CTIF: variants seen among roughly 807,000 people sequenced by gnomAD.
CTIF encodes cap binding complex dependent translation initiation factor.
CTIF carries 21 observed loss-of-function variants against 66.0 expected under a neutral mutation model. The observed-to-expected ratio is 0.32, with a 90% CI of 0.23 to 0.46. The LOEUF is 0.46. Ranked by LOEUF, CTIF falls within the 20% of genes least tolerant of loss-of-function variation. The probability of loss-of-function intolerance (pLI) is 1.00; values close to 1 mark genes in which losing one functional copy is unlikely to be tolerated. For missense variants in CTIF, 739 were observed against 812.7 expected, an observed-to-expected ratio of 0.91 and a Z score of 1.10; for synonymous variants, 345 against 326.4, an observed-to-expected ratio of 1.06 and a Z score of -0.62.
At chr18:48,570,114 C>G (rs2089378105) in intron 1 of CTIF, among the ~76,000 whole-genome samples, 1 of 152,160 alleles carries the variant, frequency 6.6e-6, no homozygotes, top group African/African-American at 2.4e-5. Context: ...AGTGGAAGAG[C>G]AGAGATCCAA....
chr18:48,605,068 A>G (rs2090178290), intron 1 of CTIF, among the ~76,000 whole-genome samples: 1 of 152,184 alleles, frequency 6.6e-6, no homozygotes, highest in Admixed American at 6.5e-5. Flanking sequence ...GCTATTATTA[A>G]TAATGGTACT....
intron 5 of CTIF, among the ~76,000 whole-genome samples, chr18:48,668,976 G>T (rs78718877): frequency 0.033 from 5,012 of 152,214 alleles, 179 homozygotes; most frequent in African/African-American, 0.087. Flanking sequence ...ATCAAATGGG[G>T]CTTGGGTTAG....
intron 10 of CTIF, among the ~76,000 whole-genome samples, chr18:48,853,443 C>A (rs570501482): frequency 6.6e-6 from 1 of 152,048 alleles, no homozygotes; most frequent in Non-Finnish European, 1.5e-5. Context: ...GGGTGGGATG[C>A]GAGACCCCGA....
intron 2 of CTIF, among the ~76,000 whole-genome samples, chr18:48,627,596 G>A (rs1258248696): frequency 4.6e-5 from 7 of 152,000 alleles, no homozygotes; most frequent in Admixed American, 6.6e-5. Flanking sequence ...GTGCATGCCT[G>A]TGATCCCAGC....
intron 6 of CTIF, among the ~76,000 whole-genome samples, chr18:48,707,002 G>T (rs1170156723): frequency 6.6e-6 from 1 of 152,204 alleles, no homozygotes; most frequent in African/African-American, 2.4e-5. Flanking sequence ...AAGCAGGCAG[G>T]GCCTGGTGGG....
intron 9 of CTIF, among the ~76,000 whole-genome samples, chr18:48,778,331 G>A (rs974796452): frequency 6.6e-6 from 1 of 152,216 alleles, no homozygotes; most frequent in Non-Finnish European, 1.5e-5. Context: ...TCAATCAGGA[G>A]GCGGGAGCCC....
intron 1 of CTIF, among the ~76,000 whole-genome samples, chr18:48,545,412 A>C (rs972692844): frequency 6.6e-6 from 1 of 152,048 alleles, no homozygotes; most frequent in African/African-American, 2.4e-5. Context: ...CATCCAGGTC[A>C]TAGGGGGTGA....
In CTIF at chr18:48,625,234, G is replaced by A. The variant is rs544679653; in HGVS notation, c.180+5489G>A. On this transcript the variant is annotated intron_variant, in intron 2 of 11. Transcript: ENST00000256413. ...ACCACCCATGAAAGGCTTAACAGAA[G>A]AAGTGAGTTTATAGGAGGACTGCGG... The A allele has an allele frequency of 9.1e-6, 9 of 984,922 alleles. No homozygotes were observed. The East Asian group carries it at 4.5e-4, about 50-fold the overall frequency. The allele number at this position is 984,922 out of a possible 1,614,324, so 61.0% of individuals were successfully genotyped here.
At chr18:48,835,855 G>A (rs1163569580) in intron 10 of CTIF, among the ~76,000 whole-genome samples, 1 of 151,608 alleles carries the variant, frequency 6.6e-6, no homozygotes, top group African/African-American at 2.4e-5. Context: ...CCCTGACTTG[G>A]CTGCCCCCTA....
intron 5 of CTIF, among the ~76,000 whole-genome samples, chr18:48,665,041 A>G (rs146445745): frequency 0.012 from 1,827 of 151,150 alleles, 88 homozygotes; most frequent in Admixed American, 0.087. Flanking sequence ...CAGCCTCCCG[A>G]GTAGCTGGGA....
At chr18:48,617,922 G>A (rs1158689143) in intron 1 of CTIF, among the ~76,000 whole-genome samples, 1 of 152,230 alleles carries the variant, frequency 6.6e-6, no homozygotes, top group African/African-American at 2.4e-5. Flanking sequence ...AGCAGGCCTG[G>A]GGTCCGAGGG....
chr18:48,661,719 G>T (rs1568113752), intron 3 of CTIF: 1 of 152,212 alleles, frequency 6.6e-6, no homozygotes. Flanking sequence ...AGTGATATCT[G>T]CCGCTGGCAG....
At chr18:48,723,368 G>T (rs2092358656) in intron 7 of CTIF, among the ~76,000 whole-genome samples, 1 of 151,234 alleles carries the variant, frequency 6.6e-6, no homozygotes, top group Non-Finnish European at 1.5e-5. Context: ...TGAATGATGA[G>T]ATTTCAGATG....
intron 10 of CTIF, among the ~76,000 whole-genome samples, chr18:48,856,956 A>G (rs545080932): frequency 5.3e-5 from 8 of 152,274 alleles, no homozygotes; most frequent in Non-Finnish European, 1.5e-5. Flanking sequence ...AGAATGAGCC[A>G]GGCAAGTCGG....
At chr18:48,581,202 T>C (rs1378999123) in intron 1 of CTIF, among the ~76,000 whole-genome samples, 1 of 150,924 alleles carries the variant, frequency 6.6e-6, no homozygotes, top group Non-Finnish European at 1.5e-5. Context: ...GAGTTTGATG[T>C]TTTTTTTTGT....
intron 6 of CTIF, among the ~76,000 whole-genome samples, chr18:48,691,639 G>C (rs2091926853): frequency 6.6e-6 from 1 of 152,110 alleles, no homozygotes; most frequent in Admixed American, 6.5e-5. Context: ...TGGTCTTCCT[G>C]TCTCCCCACT....
At chr18:48,571,746 C>T (rs2089420245) in intron 1 of CTIF, among the ~76,000 whole-genome samples, 1 of 152,082 alleles carries the variant, frequency 6.6e-6, no homozygotes, top group South Asian at 2.1e-4. Flanking sequence ...TTTGCTTGGA[C>T]ACTGTATACT....
chr18:48,807,372 T>C (rs1847141788), intron 9 of CTIF, among the ~76,000 whole-genome samples: 1 of 152,180 alleles, frequency 6.6e-6, no homozygotes, highest in South Asian at 2.1e-4. Flanking sequence ...ATTCAGAAAG[T>C]AATGTAGAGA....
At chr18:48,832,179 T>C (rs1317388799) in intron 10 of CTIF, among the ~76,000 whole-genome samples, 4 of 149,124 alleles carry the variant, frequency 2.7e-5, no homozygotes, top group Admixed American at 2.7e-4. Context: ...CCTTCTTTTT[T>C]TTTTTTTTTT....
Sources: allele counts gnomAD v4.1 joint callset (sites outside exome capture counted in the v4.1 genomes callset), GRCh38; gene constraint gnomAD v4.1.1; transcripts MANE v1.5; gene names NCBI Gene and HGNC (gene_info 2026-07-23, HGNC 2026-07-21).